Variants in FHDC1 observed in about 807,000 individuals in gnomAD.
FHDC1 encodes FH2 domain-containing protein 1.
A neutral mutation model predicts 52.6 loss-of-function variants in FHDC1; 25 were observed. The ratio of observed to expected loss-of-function variants is 0.48; its 90% CI spans 0.35 to 0.66. FHDC1 has a LOEUF of 0.66. Among genes scored for constraint, FHDC1 ranks in the 30% least tolerant of loss-of-function variants. The pLI, the probability that FHDC1 is intolerant of heterozygous loss-of-function variation, is 0.01. For synonymous variants in FHDC1, 616 were observed against 581.5 expected (o/e 1.06, Z -0.85); for missense variants, 1,459 against 1,452.8 (o/e 1.00, Z -0.07).
chr4:152,947,902 A>C (rs977013426), intron 2 of FHDC1, among the ~76,000 whole-genome samples: 4 of 152,194 alleles, frequency 2.6e-5, no homozygotes, highest in Non-Finnish European at 5.9e-5. Flanking sequence ...TTATTCTCCC[A>C]CACTATAATT....
At chr4:152,928,191 C>G in the FHDC1 span, 9 of 784,034 alleles carry the variant, frequency 1.1e-5, no homozygotes, top group Non-Finnish European at 1.9e-5. Context: ...CAAACCAATA[C>G]CTTCCTTGAG....
chr4:152,918,276 C>T, the FHDC1 span: 2 of 152,222 alleles, frequency 1.3e-5, no homozygotes, highest in African/African-American at 4.8e-5. Context: ...CTAGGAAGAA[C>T]TCTGCCTGTT....
rs748404336 is a variant in FHDC1, at chr4:152,974,909, C to T, written c.1618C>T (p.Arg540Cys). ...CCGGCCCCCGAACACCCGCCGCTCC[C>T]GCCTCTCCCTGGGTCCCTCTGCTGA... ...SYRPPNTRRS[R>C]LSLGPSADRE... is the part of the protein sequence containing the mutation. The change falls in exon 12 of 12, where the codon CGC (arginine) becomes TGC (cysteine). Residue 540 changes from arginine (R) to cysteine (C), a missense_variant. Physicochemically the swap from Arg to Cys is radical, Grantham distance 180. Transcript: ENST00000511601. 3.8e-5 allele frequency: 61 copies of T among 1,611,440 alleles called. No individual in the cohort carries two copies. The highest frequency in any genetic ancestry group is 4.8e-5 in the Non-Finnish European group (57 of 1,179,590).
chr4:152,920,995 G>C, the FHDC1 span, among the ~76,000 whole-genome samples: 1 of 151,838 alleles, frequency 6.6e-6, no homozygotes, highest in South Asian at 2.1e-4. Flanking sequence ...TGGACTTTCT[G>C]GTTTGTCCTG....
chr4:152,978,323 C>A lies in FHDC1; in HGVS notation c.*1600C>A, dbSNP rs1307288913. The A allele has an allele frequency of 6.6e-6, 1 of 152,232 alleles. No homozygotes were observed. The highest frequency in any genetic ancestry group is 1.9e-4 in the East Asian group (1 of 5,204). The allele number at this position is 152,232 out of a possible 1,614,324, so 9.4% of individuals were successfully genotyped here. On this transcript the variant is annotated 3_prime_UTR_variant, in exon 12 of 12. Coordinates refer to ENST00000511601, the MANE Select transcript of FHDC1 (RefSeq NM_001371116.1). ...TGTGCTCCCAGCACTTCCTTCTTTTCTAACATGGCCTGGAGAGAGTCTCTC... is the reference window on the plus strand; with the variant it reads ...TGTGCTCCCAGCACTTCCTTCTTTTATAACATGGCCTGGAGAGAGTCTCTC...
chr4:152,962,992 T>G (rs1332868235), intron 7 of FHDC1, 31 bp from the exon 8 acceptor site: 1 of 1,560,648 alleles, frequency 6.4e-7, no homozygotes, highest in Admixed American at 1.7e-5. Context: ...TATGTATACA[T>G]AATTTTTTCT....
chr4:152,954,191 G>A (rs763744532), intron 3 of FHDC1, 26 bp from the exon 4 acceptor site: 1 of 1,591,808 alleles, frequency 6.3e-7, no homozygotes, highest in Non-Finnish European at 8.6e-7. Flanking sequence ...AACGTGAAAT[G>A]GAATGTGATT....
intron 1 of FHDC1, 24 bp from the exon 2 acceptor site, chr4:152,942,904 T>A: frequency 1.3e-6 from 1 of 760,996 alleles, no homozygotes; most frequent in Non-Finnish European, 2.1e-6. Context: ...TGTAACTGAT[T>A]TGATATTTAT....
chr4:152,914,369 T>C, the FHDC1 span, among the ~76,000 whole-genome samples: 1 of 151,558 alleles, frequency 6.6e-6, no homozygotes, highest in African/African-American at 2.5e-5. Flanking sequence ...AAATAAAGTT[T>C]GACTCTTAGT....
intron 4 of FHDC1, among the ~76,000 whole-genome samples, 164 bp from the exon 5 acceptor site, chr4:152,960,401 C>A (rs1030245957): frequency 1.3e-5 from 2 of 152,008 alleles, no homozygotes; most frequent in African/African-American, 2.4e-5. Flanking sequence ...TTTAAAAAAA[C>A]CAAATAGCAG....
upstream of FHDC1, among the ~76,000 whole-genome samples, chr4:152,935,851 G>T (rs1287132268): frequency 2.6e-5 from 4 of 151,928 alleles, no homozygotes; most frequent in Non-Finnish European, 5.9e-5. Flanking sequence ...GTGTGTGCGC[G>T]CGTGTATATA....
the FHDC1 span, chr4:152,928,088 C>T: frequency 3.1e-6 from 4 of 1,284,594 alleles, no homozygotes; most frequent in East Asian, 2.3e-5. Context: ...CCTCCCAGGC[C>T]TGTGCACCTA....
At position 152,975,756 on chromosome 4, in the gene FHDC1, C is replaced by G; in HGVS notation, c.2465C>G (p.Ser822Cys). Residue 822 changes from serine (S) to cysteine (C), a missense_variant, in exon 12 of 12, where the codon TCC becomes TGC. Ser to Cys is a moderately radical substitution (Grantham distance 112). Coordinates refer to ENST00000511601, the MANE Select transcript of FHDC1 (RefSeq NM_001371116.1). ...GAAATGGGGGACAGCCAAGTCTCCT[C>G]CAACCCTACATCCAGCCCCCCTGGG... ...VGEMGDSQVS[S>C]NPTSSPPGEA... 1 of 1,576,102 alleles carries G rather than the reference C, an allele frequency of 6.3e-7. No homozygotes were observed. The highest frequency in any genetic ancestry group is 8.6e-7 in the Non-Finnish European group (1 of 1,158,872).
intron 8 of FHDC1, among the ~76,000 whole-genome samples, chr4:152,963,769 GTTTTTTTTTTTTTTTT>G (rs58783965): frequency 5.8e-5 from 3 of 51,802 alleles, no homozygotes; most frequent in South Asian, 9.5e-4. Flanking sequence ...CCATTGCTTT[GTTTTTTTTTTTTTTTT>G]TTTTTTTTTT....
chr4:152,960,885 A>T lies in FHDC1; in HGVS notation c.850+41A>T, dbSNP rs1418819600. On this transcript the variant is annotated intron_variant, in intron 6 of 11. Transcript: ENST00000511601. ...ATCCTTCGCAGAATTTGTTTTTATT[A>T]ATTTCGATAGCAGTTTTTTAAAAAA... 2.8e-6 allele frequency: 4 copies of T among 1,444,098 alleles called. No homozygotes were observed. The Admixed American group carries it at 9.3e-5, about 33-fold the overall frequency. 89.5% of individuals were successfully genotyped at this position (1,444,098 alleles called of 1,614,324 possible). A position where few individuals can be genotyped will look rare whatever the true frequency, so the allele number is the denominator to read the frequency against.
chr4:152,936,055 C>A (rs1739360733), upstream of FHDC1, among the ~76,000 whole-genome samples: 1 of 152,072 alleles, frequency 6.6e-6, no homozygotes, highest in Non-Finnish European at 1.5e-5. Flanking sequence ...CGGTGGCCCC[C>A]GGCCTAGCCC....
rs543033549 is a variant in FHDC1 at position 152,975,106 on chromosome 4, G to A, written c.1815G>A (p.Ser605=). The A allele has an allele frequency of 2.5e-5, 41 of 1,612,296 alleles. No homozygotes were observed. Among genetic ancestry groups the A allele is most frequent in the East Asian group, 1.8e-4 (8 of 44,882 alleles). The change falls in exon 12 of 12, where the codon TCG becomes TCA. Residue 605 remains serine, a synonymous_variant. Coordinates refer to ENST00000511601, the MANE Select transcript of FHDC1 (RefSeq NM_001371116.1). ...DSSFAHKPQA[S]GGQEEAPNPP... is the part of the protein sequence containing the mutation. ...GCTTTGCACACAAACCTCAGGCCTC[G>A]GGGGGCCAGGAGGAGGCCCCCAACC...
chr4:152,976,924 TC>T lies in FHDC1; in HGVS notation c.*203del. 3.7e-6 allele frequency: 2 copies of T among 538,332 alleles called. No individual in the cohort carries two copies. The highest frequency in any genetic ancestry group is 5.9e-6 in the Non-Finnish European group (2 of 336,480). The allele number at this position is 538,332 out of a possible 1,614,324, so 33.3% of individuals were successfully genotyped here. ...TGCTGAGCCCTGCTGCAGTCCAGCG[TC>T]CAGATGGATGCACGTTCACTACTGT... is the stretch of plus-strand genomic sequence containing the variant. On this transcript the variant is annotated 3_prime_UTR_variant, in exon 12 of 12. Transcript: ENST00000511601.
At chr4:152,918,239 T>C in the FHDC1 span, among the ~76,000 whole-genome samples, 2 of 152,238 alleles carry the variant, frequency 1.3e-5, no homozygotes, top group Non-Finnish European at 2.9e-5. Flanking sequence ...TCCTTGCCAG[T>C]GACCTCAACA....
Sources: gnomAD v4.1 joint callset for allele counts (sites outside exome capture counted in the v4.1 genomes callset) on GRCh38, gnomAD v4.1.1 for gene constraint, MANE v1.5 for transcripts, NCBI Gene and HGNC (gene_info 2026-07-23, HGNC 2026-07-21) for gene names.